The following TMEM116 variants were observed in gnomAD, a reference collection of about 807,000 sequenced individuals.
TMEM116 encodes transmembrane protein 116.
A neutral mutation model predicts 44.3 loss-of-function variants in TMEM116; 38 were observed. The ratio of observed to expected loss-of-function variants is 0.86; its 90% CI spans 0.66 to 1.12. TMEM116 has a LOEUF of 1.12. Among genes scored for constraint, TMEM116 ranks in the 50% most tolerant of loss-of-function variants. The pLI is 0.00. For missense variants in TMEM116, 354 were observed against 401.7 expected (o/e 0.88, Z 1.01); for synonymous variants, 132 against 144.8 (o/e 0.91, Z 0.64).
chr12:111,936,760 T>A lies in TMEM116; in HGVS notation c.520A>T (p.Ser174Cys). 1 of 1,613,936 alleles carries A rather than the reference T, an allele frequency of 6.2e-7. No individual in the cohort carries two copies. Among genetic ancestry groups the A allele is most frequent in the South Asian group, 1.1e-5 (1 of 91,046 alleles). Residue 174 changes from serine to cysteine, a missense_variant, in exon 8 of 11, where the codon AGC becomes TGC. Physicochemically the swap from Ser to Cys is moderately radical, Grantham distance 112. Coordinates refer to ENST00000552374, the MANE Select transcript of TMEM116 (RefSeq NM_001193531.2). ...LPPSANTSVC[S>C]TLYFYGIAIF... ...GCGATACCATAAAAATAAAGTGTGC[T>A]ACAGACAGATGTGTTGGCAGAAGGT...
At chr12:111,983,047 A>G (rs1379098037) in intron 4 of TMEM116, among the ~76,000 whole-genome samples, 1 of 152,120 alleles carries the variant, frequency 6.6e-6, no homozygotes, top group Non-Finnish European at 1.5e-5. Flanking sequence ...CTTTGGGATT[A>G]CACTTTGGGA....
intron 4 of TMEM116, among the ~76,000 whole-genome samples, chr12:111,945,532 T>G (rs992418673): frequency 2.0e-5 from 3 of 152,118 alleles, no homozygotes; most frequent in African/African-American, 7.2e-5. Context: ...TTAAGTGATA[T>G]TGTTAAAAAC....
At chr12:111,952,327 T>C (rs1269487287) in intron 4 of TMEM116, among the ~76,000 whole-genome samples, 1 of 152,184 alleles carries the variant, frequency 6.6e-6, no homozygotes, top group African/African-American at 2.4e-5. Context: ...AGTAATAAGA[T>C]TGCTATCTAC....
Position 111,959,225 on chromosome 12 carries a change from AG to A in TMEM116, c.211-15857del, listed in dbSNP as rs574170697. On this transcript the variant is annotated intron_variant, in intron 4 of 10. Transcript: ENST00000552374. The stretch of plus-strand genomic sequence containing the variant: ...TCTTAAAGAAAAGAATTTTCAACCC[AG>A]AATTTCATATCCAGCCAAATTAAGC... Among the ~76,000 whole-genome samples the A allele has an allele frequency of 3.3e-5, 5 of 152,374 alleles. No homozygotes were observed. The South Asian group carries it at 1.0e-3, about 32-fold the overall frequency.
At chr12:112,003,603 CA>C in intron 3 of TMEM116, 196 bp downstream of exon 3, 3 of 585,396 alleles carry the variant, frequency 5.1e-6, no homozygotes, top group Non-Finnish European at 7.9e-6. Context: ...TCTCAGAATT[CA>C]AAGTTATAGC....
At position 112,003,605 on chromosome 12, in the gene TMEM116, A is replaced by G. The variant is rs541823789; in HGVS notation, c.78+195T>C. 7 of 634,100 alleles carry G rather than the reference A, an allele frequency of 1.1e-5. No homozygotes were observed. In the East Asian group the frequency reaches 1.9e-4, roughly 17 times the overall value. 39.3% of individuals were successfully genotyped at this position (634,100 alleles called of 1,614,324 possible). ...AAAATAGTTAATCTCTCAGAATTCA[A>G]AGTTATAGCTAAAATAATTACCTAG... is the stretch of plus-strand genomic sequence containing the variant. On this transcript the variant is annotated intron_variant, in intron 3 of 10. Transcript: ENST00000552374.
intron 2 of TMEM116, 50 bp downstream of exon 2, chr12:112,005,207 G>T: frequency 7.8e-7 from 1 of 1,278,540 alleles, no homozygotes; most frequent in Non-Finnish European, 1.0e-6. Flanking sequence ...CTACAGAATT[G>T]ACGAACTTTG....
At chr12:111,939,880 C>CTGTGTGTGTGTGTGTGTGTGTG (rs61322648) in intron 5 of TMEM116, among the ~76,000 whole-genome samples, 17 of 130,464 alleles carry the variant, frequency 1.3e-4, no homozygotes, top group African/African-American at 4.0e-4. Context: ...CTTCAAAGCT[C>CTGTGTGTGTGTGTGTGTGTGTG]TGTGTGTGTG....
intron 4 of TMEM116, among the ~76,000 whole-genome samples, chr12:111,946,450 G>A (rs527772561): frequency 6.6e-6 from 1 of 152,350 alleles, no homozygotes; most frequent in East Asian, 1.9e-4. Flanking sequence ...CCAAAACAAA[G>A]AGATGGGCTC....
At chr12:111,987,658 A>G (rs922065310) in intron 4 of TMEM116, among the ~76,000 whole-genome samples, 1 of 152,212 alleles carries the variant, frequency 6.6e-6, no homozygotes, top group African/African-American at 2.4e-5. Flanking sequence ...CTTTATACCC[A>G]TTAGGATGGC....
chr12:111,983,940 C>G (rs1385252109), intron 4 of TMEM116, among the ~76,000 whole-genome samples: 1 of 151,876 alleles, frequency 6.6e-6, no homozygotes, highest in Non-Finnish European at 1.5e-5. Flanking sequence ...TAGTAGCAAA[C>G]AAAATTCAAC....
At chr12:111,956,879 C>A (rs1215338653) in intron 4 of TMEM116, among the ~76,000 whole-genome samples, 2 of 152,198 alleles carry the variant, frequency 1.3e-5, no homozygotes, top group Non-Finnish European at 2.9e-5. Context: ...CACCTCCCAG[C>A]CACCTGCCTT....
At chr12:111,933,113 C>T (rs996881258) in intron 9 of TMEM116, among the ~76,000 whole-genome samples, 1 of 151,832 alleles carries the variant, frequency 6.6e-6, no homozygotes, top group Admixed American at 6.6e-5. Flanking sequence ...TGGTGGCATG[C>T]GCCTGTAATC....
At chr12:112,006,252 G>A (rs968756527) in intron 1 of TMEM116, 3 of 152,208 alleles carry the variant, frequency 2.0e-5, no homozygotes, top group Non-Finnish European at 4.4e-5. Flanking sequence ...AGGAGCAAGA[G>A]GCAGGAGTAA....
In TMEM116 at chr12:112,013,120, C is replaced by T. The variant is rs2077931584; in HGVS notation, c.-152G>A. The T allele has an allele frequency of 7.0e-6, 2 of 284,656 alleles. No homozygotes were observed. Among genetic ancestry groups the T allele is most frequent in the African/African-American group, 2.2e-5 (1 of 45,784 alleles). The allele number at this position is 284,656 out of a possible 1,614,324, so 17.6% of individuals were successfully genotyped here. ...CAGCAAACGAATTGCTATAGCGTCCCCATGCGCACTTGGCGCTTCTCCTCA... is the reference window on the plus strand; with the variant it reads ...CAGCAAACGAATTGCTATAGCGTCCTCATGCGCACTTGGCGCTTCTCCTCA... On this transcript the variant is annotated 5_prime_UTR_variant, in exon 1 of 11. Coordinates refer to ENST00000552374, the MANE Select transcript of TMEM116 (RefSeq NM_001193531.2).
chr12:111,934,007 T>G lies in TMEM116; in HGVS notation c.612A>C (p.Thr204=), dbSNP rs367727263. The G allele has an allele frequency of 1.2e-6, 2 of 1,614,170 alleles. No homozygotes were observed. The highest frequency in any genetic ancestry group is 1.7e-6 in the Non-Finnish European group (2 of 1,180,022). The change falls in exon 9 of 11, where the codon ACA becomes ACC. Residue 204 remains threonine, a synonymous_variant. Transcript: ENST00000552374. ...TIMVLLIRAQ[T]LYKKFVKSTG... is the part of the protein sequence containing the mutation. The stretch of plus-strand genomic sequence containing the variant: ...TTGACTTCACAAACTTCTTATACAA[T>G]GTCTGGGCTCGGATAAGTAAGACCT...
chr12:111,948,497 T>C (rs954376921), intron 4 of TMEM116, among the ~76,000 whole-genome samples: 4 of 152,238 alleles, frequency 2.6e-5, no homozygotes, highest in Non-Finnish European at 4.4e-5. Flanking sequence ...TTTTGATCAA[T>C]AGTAGGTAGT....
intron 2 of TMEM116, among the ~76,000 whole-genome samples, 158 bp from the exon 3 acceptor site, chr12:112,004,021 G>A (rs1239975383): frequency 1.3e-5 from 2 of 152,078 alleles, no homozygotes; most frequent in African/African-American, 4.8e-5. Context: ...TGCTATGTCA[G>A]CCAGGCTGGA....
At chr12:111,977,338 C>G (rs1031538994) in intron 4 of TMEM116, among the ~76,000 whole-genome samples, 8 of 152,108 alleles carry the variant, frequency 5.3e-5, no homozygotes, top group Non-Finnish European at 1.2e-4. Flanking sequence ...AAAGAAAGAA[C>G]CACTAACCTA....
Sources: allele counts gnomAD v4.1 joint callset (sites outside exome capture counted in the v4.1 genomes callset), GRCh38; gene constraint gnomAD v4.1.1; transcripts MANE v1.5; gene names NCBI Gene and HGNC (gene_info 2026-07-23, HGNC 2026-07-21).